Variants in PLEKHA1 observed in about 807,000 individuals in gnomAD.
The protein encoded by PLEKHA1 is pleckstrin homology domain containing A1, also known as pleckstrin homology domain-containing family A member 1.
Under a neutral mutation model 52.0 loss-of-function variants are expected in PLEKHA1, and 34 were observed. The ratio of observed to expected loss-of-function variants is 0.65; its 90% confidence interval spans 0.50 to 0.87. The LOEUF (loss-of-function observed/expected upper bound fraction) is 0.87, where lower values mean the gene tolerates loss of function less well. PLEKHA1 is among the 40% of genes least tolerant of loss of function. The pLI is 0.00. For synonymous variants in PLEKHA1, 163 were observed against 170.7 expected (o/e 0.95, Z 0.35); for missense variants, 497 against 504.2 (o/e 0.99, Z 0.14).
At chr10:122,437,450 T>C in the PLEKHA1 span, 1 of 152,292 alleles carries the variant, frequency 6.6e-6, no homozygotes, top group Non-Finnish European at 1.5e-5. Context: ...CAGTTGGATA[T>C]GCAAATTTGG....
intron 4 of PLEKHA1, among the ~76,000 whole-genome samples, chr10:122,403,699 CT>C (rs200497329): frequency 1.2e-3 from 186 of 150,676 alleles, no homozygotes; most frequent in African/African-American, 3.4e-3. Flanking sequence ...TTGCTTTCCC[CT>C]TTTTTTTTCT....
chr10:122,441,658 C>T, the PLEKHA1 span: 11 of 152,126 alleles, frequency 7.2e-5, no homozygotes, highest in Admixed American at 2.6e-4. Flanking sequence ...AAAGAGGCTG[C>T]GTGCATGAAC....
intron 3 of PLEKHA1, among the ~76,000 whole-genome samples, chr10:122,399,634 G>C (rs1188910194): frequency 6.6e-6 from 1 of 152,096 alleles, no homozygotes; most frequent in Non-Finnish European, 1.5e-5. Context: ...CCAGGCTGGA[G>C]TGCAGTGGCG....
At chr10:122,413,288 T>C (rs925078466) in intron 6 of PLEKHA1, among the ~76,000 whole-genome samples, 1 of 152,150 alleles carries the variant, frequency 6.6e-6, no homozygotes, top group African/African-American at 2.4e-5. Flanking sequence ...GAGATATGAG[T>C]TGTATATTAC....
chr10:122,430,118 T>A lies in PLEKHA1; in HGVS notation c.*180T>A, dbSNP rs2097403869. 3 of 664,850 alleles carry A rather than the reference T, an allele frequency of 4.5e-6. No individual in the cohort carries two copies. The highest frequency in any genetic ancestry group is 6.9e-6 in the Non-Finnish European group (3 of 436,094). The allele number at this position is 664,850 out of a possible 1,614,324, so 41.2% of individuals were successfully genotyped here. Reference sequence around the variant, plus strand: ...GGGAGTGGCCAAACTAAATATAATTTCTTTAAAAAAGAAAGAAAAAGGAAA... The same window carrying A: ...GGGAGTGGCCAAACTAAATATAATTACTTTAAAAAAGAAAGAAAAAGGAAA... On this transcript the variant is annotated 3_prime_UTR_variant, in exon 12 of 12. Coordinates refer to ENST00000368990, the MANE Select transcript of PLEKHA1 (RefSeq NM_001001974.4).
rs369346661 is a variant in PLEKHA1, at chr10:122,424,224, C to T, written c.707C>T (p.Pro236Leu). 744 of 1,559,724 alleles carry T rather than the reference C, an allele frequency of 4.8e-4. 6 individuals are homozygous for T. The South Asian group carries it at 8.0e-3, about 17-fold the overall frequency. Residue 236 changes from proline to leucine, a missense_variant, in exon 9 of 12, where the codon CCA becomes CTA. Coordinates refer to ENST00000368990, the MANE Select transcript of PLEKHA1 (RefSeq NM_001001974.4). The stretch of plus-strand genomic sequence containing the variant: ...GAAAAGGAACCTCTTCGTGTAATAC[C>T]ACTTAAAGAGGTTCATAAAGTCCAG... ...ELEKEPLRVI[P>L]LKEVHKVQEC...
At chr10:122,402,944 C>G (rs185636210) in intron 4 of PLEKHA1, among the ~76,000 whole-genome samples, 2 of 152,312 alleles carry the variant, frequency 1.3e-5, no homozygotes, top group East Asian at 3.9e-4. Flanking sequence ...GAGAAAAGAT[C>G]CATAGATACT....
chr10:122,427,908 C>T (rs910776518), intron 11 of PLEKHA1, among the ~76,000 whole-genome samples: 8 of 151,856 alleles, frequency 5.3e-5, no homozygotes, highest in African/African-American at 1.7e-4. Context: ...ATTATAATAC[C>T]GCCTTTTATT....
intron 8 of PLEKHA1, chr10:122,418,232 C>T (rs1442113035): frequency 3.1e-6 from 1 of 319,140 alleles, no homozygotes; most frequent in Non-Finnish European, 5.8e-6. Flanking sequence ...TAAATTTCCT[C>T]TAAAGGGGCT....
intron 1 of PLEKHA1, among the ~76,000 whole-genome samples, chr10:122,388,712 A>G (rs890841788): frequency 2.0e-5 from 3 of 152,234 alleles, no homozygotes; most frequent in South Asian, 2.1e-4. Context: ...GCTAACAGTC[A>G]TCTCAGCCTC....
At position 122,384,174 on chromosome 10, in the gene PLEKHA1, C is replaced by A. The variant is rs530152163; in HGVS notation, c.-20-9007C>A. On this transcript the variant is annotated intron_variant, in intron 1 of 11. Coordinates refer to ENST00000368990, the MANE Select transcript of PLEKHA1 (RefSeq NM_001001974.4). ...GTCTTTTACTCATTTTTCTATTGAA[C>A]GTTTGATATATTTCCCTTAACATTT... Among the ~76,000 whole-genome samples the A allele has an allele frequency of 2.2e-4, 34 of 152,132 alleles. 1 individual carries two copies. In the South Asian group the frequency reaches 4.6e-3, roughly 20 times the overall value.
intron 1 of PLEKHA1, among the ~76,000 whole-genome samples, chr10:122,389,586 G>A (rs1012377107): frequency 6.6e-6 from 1 of 152,140 alleles, no homozygotes; most frequent in Non-Finnish European, 1.5e-5. Flanking sequence ...TGTAATCCCA[G>A]TTACTTGGGA....
chr10:122,427,799 G>A (rs533501831), intron 11 of PLEKHA1, among the ~76,000 whole-genome samples: 8 of 152,202 alleles, frequency 5.3e-5, no homozygotes, highest in South Asian at 4.2e-4. Flanking sequence ...TGCCATCTGC[G>A]GAAAGTAGTC....
At chr10:122,402,579 C>T (rs1286177876) in intron 4 of PLEKHA1, among the ~76,000 whole-genome samples, 1 of 152,130 alleles carries the variant, frequency 6.6e-6, no homozygotes. Context: ...TGCCCCCACC[C>T]CAACTCTAGA....
chr10:122,379,240 C>G (rs139080289), intron 1 of PLEKHA1, among the ~76,000 whole-genome samples: 273 of 152,208 alleles, frequency 1.8e-3, no homozygotes, highest in African/African-American at 6.4e-3. Flanking sequence ...GATCTTTTCT[C>G]TCTGCAGCGA....
At chr10:122,433,749 T>C (rs1032519877), downstream of PLEKHA1, 3 of 152,222 alleles carry the variant, frequency 2.0e-5, no homozygotes, top group Non-Finnish European at 2.9e-5. Context: ...GTGTCTGCGT[T>C]TCACCTGTTA....
In PLEKHA1 at chr10:122,427,021, C is replaced by T; in HGVS notation, c.890C>T (p.Ser297Phe). ...GTAGCACAGCGGGGTCCCGGCAGAT[C>T]TGCGTCTTCTGTAGGTTTCCTGCTC... ...AIVAQRGPGRSASSEHPPGPS... is the reference protein window; with the variant it reads ...AIVAQRGPGRFASSEHPPGPS... The change falls in exon 11 of 12, where the codon TCT becomes TTT. Residue 297 changes from serine to phenylalanine, a missense_variant. Physicochemically the swap from Ser to Phe is radical, Grantham distance 155 (BLOSUM62 -2). Transcript: ENST00000368990. The T allele has an allele frequency of 6.2e-7, 1 of 1,613,480 alleles. No homozygotes were observed. Among genetic ancestry groups the T allele is most frequent in the Non-Finnish European group, 8.5e-7 (1 of 1,179,424 alleles).
At chr10:122,400,460 C>A in intron 4 of PLEKHA1, 72 bp downstream of exon 4, 1 of 1,350,274 alleles carries the variant, frequency 7.4e-7, no homozygotes, top group Non-Finnish European at 1.0e-6. Flanking sequence ...AAAACTGTTG[C>A]AGAAAACCAC....
At chr10:122,423,496 G>A (rs1436620013) in intron 8 of PLEKHA1, 2 of 151,284 alleles carry the variant, frequency 1.3e-5, no homozygotes, top group East Asian at 1.9e-4. Context: ...GCTACATAAA[G>A]TAATGGTATG....
Sources: allele counts gnomAD v4.1 joint callset (sites outside exome capture counted in the v4.1 genomes callset), GRCh38; gene constraint gnomAD v4.1.1; transcripts MANE v1.5; gene names NCBI Gene and HGNC (gene_info 2026-07-23, HGNC 2026-07-21).